Variants in TG observed in about 807,000 individuals in gnomAD.
TG encodes the protein thyroglobulin.
In TG, 270 loss-of-function variants were observed where a neutral mutation model predicts 324.7. The observed-to-expected ratio is 0.83, with a 90% CI of 0.75 to 0.92. The LOEUF (loss-of-function observed/expected upper bound fraction) is 0.92, where lower values mean the gene tolerates loss of function less well. Among genes scored for constraint, TG ranks in the 40% least tolerant of loss-of-function variants. The pLI is 0.00. For missense variants in TG, 3,591 were observed against 3,456.4 expected (o/e 1.04, Z -0.98); for synonymous variants, 1,401 against 1,327.0 (o/e 1.06, Z -1.21).
intron 40 of TG, among the ~76,000 whole-genome samples, chr8:133,026,199 C>T (rs755225768): frequency 6.6e-6 from 1 of 152,218 alleles, no homozygotes; most frequent in Admixed American, 6.5e-5. Flanking sequence ...AGCATCATCT[C>T]ATTTGATAAA....
intron 33 of TG, 47 bp downstream of exon 33, chr8:132,971,920 GT>G: frequency 7.7e-7 from 1 of 1,291,176 alleles, no homozygotes. Context: ...GTACTCTGCA[GT>G]TTAGAAAACA....
rs540477029 is a variant in TG at position 133,085,109 on chromosome 8, T to C, written c.7240-9935T>C. ...GCATTACTTTTTGGTACCTTCCTTC[T>C]CTTTCCTCCGTGTGTAGACACAGCT... On this transcript the variant is annotated intron_variant, in intron 41 of 47. Transcript: ENST00000220616. Among the ~76,000 whole-genome samples the C allele has an allele frequency of 1.1e-4, 17 of 152,346 alleles. 1 individual carries two copies. Among genetic ancestry groups the C allele is most frequent in the Admixed American group, 5.9e-4 (9 of 15,306 alleles).
chr8:133,089,083 G>T (rs921776243), intron 41 of TG, among the ~76,000 whole-genome samples: 1 of 152,104 alleles, frequency 6.6e-6, no homozygotes, highest in Non-Finnish European at 1.5e-5. Context: ...AGGAGAGGTC[G>T]GTGCGAGGGT....
intron 15 of TG, 91 bp from the exon 16 acceptor site, chr8:132,901,262 G>A: frequency 6.7e-7 from 1 of 1,494,472 alleles, no homozygotes; most frequent in Non-Finnish European, 9.3e-7. Flanking sequence ...GGTGGGCTGA[G>A]GGTGGCCGTG....
At chr8:132,925,386 C>A (rs572668500) in intron 22 of TG, among the ~76,000 whole-genome samples, 1 of 152,284 alleles carries the variant, frequency 6.6e-6, no homozygotes, top group South Asian at 2.1e-4. Context: ...GCCTACCTGT[C>A]CTCCAGGGAA....
intron 27 of TG, among the ~76,000 whole-genome samples, chr8:132,957,253 G>A (rs1169810106): frequency 6.6e-6 from 1 of 152,130 alleles, no homozygotes; most frequent in Non-Finnish European, 1.5e-5. Context: ...ACATACATGT[G>A]CTGAATTTAG....
chr8:132,938,501 C>T (rs1327263351), intron 25 of TG, among the ~76,000 whole-genome samples: 4 of 152,312 alleles, frequency 2.6e-5, no homozygotes, highest in East Asian at 1.9e-4. Flanking sequence ...GAAAGGCCTT[C>T]CTGGCCTGCT....
rs540741979 is a variant in TG, at chr8:132,871,641, G to A, written c.478+90G>A. 2.5e-5 allele frequency: 33 copies of A among 1,311,830 alleles called. No individual in the cohort carries two copies. The East Asian group carries it at 5.9e-4, about 23-fold the overall frequency. 81.3% of individuals were successfully genotyped at this position (1,311,830 alleles called of 1,614,324 possible). A position where few individuals can be genotyped will look rare whatever the true frequency, so the allele number is the denominator to read the frequency against. ...TCCAACACATTTAGGGTTTCCTGCC[G>A]AAGTGGGCAGAGAACCAGGCCCTCA... On this transcript the variant is annotated intron_variant, in intron 4 of 47. Transcript: ENST00000220616.
At chr8:133,042,709 T>TTTTTTTTTTTTTTTG (rs1554706931) in intron 41 of TG, among the ~76,000 whole-genome samples, 1 of 138,594 alleles carries the variant, frequency 7.2e-6, no homozygotes, top group African/African-American at 2.8e-5. Context: ...TTTTTTTTTT[T>TTTTTTTTTTTTTTTG]GTGAGATGGA....
chr8:132,966,428 G>C, intron 29 of TG, 132 bp from the exon 30 acceptor site: 3 of 1,200,280 alleles, frequency 2.5e-6, no homozygotes, highest in Non-Finnish European at 3.6e-6. Context: ...AAATGTCTCT[G>C]TCTCTATCTC....
At chr8:133,032,948 T>C (rs1375198056) in intron 41 of TG, among the ~76,000 whole-genome samples, 6 of 152,310 alleles carry the variant, frequency 3.9e-5, no homozygotes. Context: ...TTTAGTGACC[T>C]ACCAAAGAAC....
chr8:133,059,424 T>G (rs1277882322), intron 41 of TG, among the ~76,000 whole-genome samples: 1 of 152,188 alleles, frequency 6.6e-6, no homozygotes, highest in Non-Finnish European at 1.5e-5. Flanking sequence ...TGTTCACTGG[T>G]GTTCCCTCCC....
intron 41 of TG, among the ~76,000 whole-genome samples, chr8:133,073,468 T>C (rs1270638293): frequency 6.6e-6 from 1 of 152,162 alleles, no homozygotes; most frequent in African/African-American, 2.4e-5. Flanking sequence ...GTTCAAGCGA[T>C]TATCCTGTCT....
chr8:133,130,982 A>G (rs1227034993), intron 45 of TG, among the ~76,000 whole-genome samples: 1 of 152,214 alleles, frequency 6.6e-6, no homozygotes, highest in Non-Finnish European at 1.5e-5. Flanking sequence ...TCGCCACCGC[A>G]GAGGGAGTGT....
chr8:133,103,155 A>G (rs951373408), intron 43 of TG: 2 of 154,178 alleles, frequency 1.3e-5, no homozygotes, highest in African/African-American at 2.4e-5. Context: ...TGGATTCAGA[A>G]AAATGGGTCA....
chr8:132,957,647 C>G (rs531986301), intron 27 of TG, among the ~76,000 whole-genome samples: 1 of 151,614 alleles, frequency 6.6e-6, no homozygotes, highest in Non-Finnish European at 1.5e-5. Context: ...CTAAGGATTA[C>G]GGCTCTTAGG....
Position 132,975,187 on chromosome 8 carries a change from C to T in TG, c.6199+2446C>T, listed in dbSNP as rs147161774. Among the ~76,000 whole-genome samples the T allele has an allele frequency of 1.6e-3, 248 of 152,314 alleles. 3 individuals carry two copies. The highest frequency in any genetic ancestry group is 5.8e-3 in the African/African-American group (241 of 41,572). On this transcript the variant is annotated intron_variant, in intron 34 of 47. Coordinates refer to ENST00000220616, the MANE Select transcript of TG (RefSeq NM_003235.5). Reference sequence around the variant, plus strand: ...ACTAGGTATTTGGGAGACTTCAGAACTGAGCTCTCACCTCTCACTTCCCCC... The same window carrying T: ...ACTAGGTATTTGGGAGACTTCAGAATTGAGCTCTCACCTCTCACTTCCCCC...
chr8:133,001,593 A>G (rs1238459392), intron 35 of TG, among the ~76,000 whole-genome samples: 2 of 152,246 alleles, frequency 1.3e-5, no homozygotes, highest in Admixed American at 6.5e-5. Flanking sequence ...ATAGGCCACT[A>G]TGTCCTGGTT....
chr8:132,971,722 C>T, intron 32 of TG, 72 bp from the exon 33 acceptor site: 2 of 1,059,814 alleles, frequency 1.9e-6, no homozygotes, highest in Admixed American at 3.4e-5. Context: ...GAATGACTAC[C>T]ATCAGCCCAC....
Sources: gnomAD v4.1 joint callset for allele counts (sites outside exome capture counted in the v4.1 genomes callset) on GRCh38, gnomAD v4.1.1 for gene constraint, MANE v1.5 for transcripts, NCBI Gene and HGNC (gene_info 2026-07-23, HGNC 2026-07-21) for gene names.